Variants in SNX13 observed in about 807,000 individuals in gnomAD.
The protein encoded by SNX13 is sorting nexin 13.
A neutral mutation model predicts 133.6 loss-of-function variants in SNX13; 45 were observed. The ratio of observed to expected loss-of-function variants is 0.34; its 90% confidence interval spans 0.27 to 0.43. The LOEUF (loss-of-function observed/expected upper bound fraction) is 0.43, where lower values mean the gene tolerates loss of function less well. Ranked by LOEUF, SNX13 falls within the 20% of genes least tolerant of loss-of-function variation. The pLI, the probability that SNX13 is intolerant of heterozygous loss-of-function variation, is 1.00. For synonymous variants in SNX13, 414 were observed against 373.9 expected (o/e 1.11, Z -1.24); for missense variants, 1,032 against 1,145.1 (o/e 0.90, Z 1.43).
Position 17,935,349 on chromosome 7 carries a change from T to C in SNX13, c.12+4935A>G, listed in dbSNP as rs547934335. Among the ~76,000 whole-genome samples, 10 of 152,288 alleles carry C rather than the reference T, an allele frequency of 6.6e-5. No homozygotes were observed. In the South Asian group the frequency reaches 2.1e-3, roughly 32 times the overall value. ...CAGAAGTAGACAGCAGAATGACAGA[T>C]ACCAGAGCCTGGAGAAGAGGGAGCA... is the stretch of plus-strand genomic sequence containing the variant. On this transcript the variant is annotated intron_variant, in intron 1 of 25. Coordinates refer to ENST00000428135, the MANE Select transcript of SNX13 (RefSeq NM_015132.5).
intron 12 of SNX13, among the ~76,000 whole-genome samples, chr7:17,843,483 T>C (rs956175859): frequency 3.9e-5 from 6 of 151,954 alleles, no homozygotes; most frequent in Non-Finnish European, 5.9e-5. Flanking sequence ...ACAATAATAG[T>C]TGGAGATTTC....
intron 1 of SNX13, among the ~76,000 whole-genome samples, chr7:17,931,279 T>C (rs922596832): frequency 1.3e-5 from 2 of 152,260 alleles, no homozygotes; most frequent in East Asian, 1.9e-4. Context: ...AGAGAACAAA[T>C]TGCAAAATAC....
In SNX13 at chr7:17,814,821, T is replaced by C; in HGVS notation, c.2064+13A>G. On this transcript the variant is annotated intron_variant, in intron 20 of 25. Coordinates refer to ENST00000428135, the MANE Select transcript of SNX13 (RefSeq NM_015132.5). ...CCTAGAAAGAAACCCAGTGCAGTGG[T>C]CTGCTTACTTACCTTGCGAGCAAAA... The C allele has an allele frequency of 6.6e-7, 1 of 1,506,260 alleles. No homozygotes were observed. The highest frequency in any genetic ancestry group is 8.8e-7 in the Non-Finnish European group (1 of 1,131,726). The allele number at this position is 1,506,260 out of a possible 1,614,324, so 93.3% of individuals were successfully genotyped here.
intron 20 of SNX13, among the ~76,000 whole-genome samples, chr7:17,804,295 G>C (rs920660155): frequency 6.6e-6 from 1 of 152,028 alleles, no homozygotes; most frequent in Non-Finnish European, 1.5e-5. Flanking sequence ...GCAACAGTTA[G>C]GTATTTTGAG....
intron 13 of SNX13, among the ~76,000 whole-genome samples, chr7:17,836,364 C>T (rs1287708957): frequency 1.3e-5 from 2 of 151,810 alleles, no homozygotes; most frequent in Admixed American, 6.6e-5. Context: ...TAAAAAAATA[C>T]AAAAATTAGC....
In SNX13 at chr7:17,793,133, A is replaced by G. The variant is rs1583426557; in HGVS notation, c.*912T>C. 6.6e-6 allele frequency: 1 copy of G among 152,316 alleles called. No homozygotes were observed. 9.4% of individuals were successfully genotyped at this position (152,316 alleles called of 1,614,324 possible). ...TGTCTAGATCACACAATTAAAAATTATCATATGGTAACTTTCCAGACTACT... is the reference window on the plus strand; with the variant it reads ...TGTCTAGATCACACAATTAAAAATTGTCATATGGTAACTTTCCAGACTACT... On this transcript the variant is annotated 3_prime_UTR_variant, in exon 26 of 26. Coordinates refer to ENST00000428135, the MANE Select transcript of SNX13 (RefSeq NM_015132.5).
intron 12 of SNX13, among the ~76,000 whole-genome samples, chr7:17,845,129 G>A (rs780515986): frequency 2.1e-4 from 31 of 146,676 alleles, no homozygotes; most frequent in Non-Finnish European, 3.2e-4. Context: ...GAGGTAAGGG[G>A]AGAAGCAAGT....
At chr7:17,927,793 A>G (rs1800926627) in intron 1 of SNX13, among the ~76,000 whole-genome samples, 1 of 152,200 alleles carries the variant, frequency 6.6e-6, no homozygotes, top group Non-Finnish European at 1.5e-5. Context: ...CATACTAAAA[A>G]TAAGCTCAGT....
intron 12 of SNX13, 36 bp downstream of exon 12, chr7:17,845,559 A>T (rs774959004): frequency 7.5e-7 from 1 of 1,325,118 alleles, no homozygotes; most frequent in Non-Finnish European, 1.0e-6. Flanking sequence ...AAGAAATTCA[A>T]TGGCTGTATC....
intron 9 of SNX13, among the ~76,000 whole-genome samples, chr7:17,853,935 C>T (rs1401562723): frequency 2.0e-5 from 3 of 149,924 alleles, no homozygotes; most frequent in South Asian, 2.1e-4. Context: ...AGCGAGAATC[C>T]ATCTCCAAAA....
intron 12 of SNX13, among the ~76,000 whole-genome samples, chr7:17,845,342 CAG>C (rs1372457394): frequency 2.0e-5 from 3 of 152,050 alleles, no homozygotes; most frequent in Non-Finnish European, 4.4e-5. Context: ...ATTATAGAGA[CAG>C]AAAGCAGAAT....
chr7:17,933,529 C>A (rs10232030), intron 1 of SNX13, among the ~76,000 whole-genome samples: 6 of 148,282 alleles, frequency 4.0e-5, no homozygotes, highest in African/African-American at 1.5e-4. Context: ...GGCAACAGAG[C>A]GAGACTCTGT....
intron 22 of SNX13, among the ~76,000 whole-genome samples, chr7:17,799,415 T>C (rs543793936): frequency 6.6e-6 from 1 of 151,920 alleles, no homozygotes; most frequent in South Asian, 2.1e-4. Context: ...AGTAGATTCA[T>C]GATGGTCCTA....
chr7:17,915,479 G>A (rs960341881), intron 1 of SNX13, among the ~76,000 whole-genome samples: 1 of 152,120 alleles, frequency 6.6e-6, no homozygotes, highest in African/African-American at 2.4e-5. Context: ...AAAGTCAACC[G>A]ACAAACAACC....
At chr7:17,844,475 T>C (rs114658983) in intron 12 of SNX13, among the ~76,000 whole-genome samples, 1,833 of 152,090 alleles carry the variant, frequency 0.012, 36 homozygotes, top group African/African-American at 0.042. Context: ...CTATCAAACA[T>C]TTAAAGAAAA....
intron 19 of SNX13, 90 bp downstream of exon 19, chr7:17,816,092 C>T (rs2128298541): frequency 7.4e-7 from 1 of 1,360,376 alleles, no homozygotes; most frequent in Middle Eastern, 2.7e-4. Context: ...ACAGTAAAAA[C>T]ATTCTGTGTG....
intron 2 of SNX13, 43 bp downstream of exon 2, chr7:17,897,291 G>A: frequency 1.8e-6 from 2 of 1,107,576 alleles, no homozygotes; most frequent in Non-Finnish European, 2.5e-6. Context: ...ATTTTAACAA[G>A]ATATGACACA....
chr7:17,915,370 C>A (rs925506887), intron 1 of SNX13, among the ~76,000 whole-genome samples: 103 of 152,312 alleles, frequency 6.8e-4, no homozygotes, highest in African/African-American at 2.4e-3. Context: ...TGATTACAGC[C>A]CCCTGGGCGG....
intron 1 of SNX13, among the ~76,000 whole-genome samples, chr7:17,915,017 T>G (rs1481920125): frequency 6.6e-6 from 1 of 152,154 alleles, no homozygotes; most frequent in Non-Finnish European, 1.5e-5. Context: ...AAATAAATGG[T>G]TGAAGAAGGA....
Sources: allele counts gnomAD v4.1 joint callset (sites outside exome capture counted in the v4.1 genomes callset), GRCh38; gene constraint gnomAD v4.1.1; transcripts MANE v1.5; gene names NCBI Gene and HGNC (gene_info 2026-07-23, HGNC 2026-07-21).